The following RBMS1 variants were observed in gnomAD, a reference collection of about 807,000 sequenced individuals.
RBMS1 encodes RNA binding motif single stranded interacting protein 1.
RBMS1 carries 17 observed loss-of-function variants against 62.3 expected under a neutral mutation model. The ratio of observed to expected loss-of-function variants is 0.27; its 90% CI spans 0.19 to 0.41. RBMS1 has a LOEUF of 0.41. Among genes scored for constraint, RBMS1 ranks in the 10% least tolerant of loss-of-function variants. RBMS1 has a pLI of 1.00. For missense variants in RBMS1, 334 were observed against 504.5 expected (o/e 0.66, Z 3.24); for synonymous variants, 172 against 170.0 (o/e 1.01, Z -0.09).
chr2:160,341,483 G>A (rs1691872223), intron 2 of RBMS1, among the ~76,000 whole-genome samples: 1 of 152,084 alleles, frequency 6.6e-6, no homozygotes, highest in African/African-American at 2.4e-5. Context: ...ATGACAGAAA[G>A]TCTCCCTCTT....
intron 2 of RBMS1, among the ~76,000 whole-genome samples, chr2:160,356,144 A>C (rs1431820139): frequency 6.6e-6 from 1 of 152,128 alleles, no homozygotes; most frequent in Admixed American, 6.6e-5. Flanking sequence ...CTAGCAAATG[A>C]CAAGTTGGAT....
rs961606731 is a variant in RBMS1, at chr2:160,407,393, C to G, written c.76-40002G>C. 5.1e-6 allele frequency: 5 copies of G among 985,662 alleles called. No homozygotes were observed. The African/African-American group carries it at 8.7e-5, about 17-fold the overall frequency. 61.1% of individuals were successfully genotyped at this position (985,662 alleles called of 1,614,324 possible). On this transcript the variant is annotated intron_variant, in intron 1 of 13. Transcript: ENST00000348849. The stretch of plus-strand genomic sequence containing the variant: ...CCGGTCCCTCCGAGGAGGCGCGGAG[C>G]CCCTGAGCGCGGCCCCCTTTGTAAC...
At chr2:160,367,135 T>TTA in intron 2 of RBMS1, 81 bp downstream of exon 2, 2 of 1,363,844 alleles carry the variant, frequency 1.5e-6, no homozygotes, top group Non-Finnish European at 2.0e-6. Context: ...TAAACTTCTC[T>TTA]TATAATGCAG....
chr2:160,370,840 G>A (rs1393779858), intron 1 of RBMS1, among the ~76,000 whole-genome samples: 1 of 136,010 alleles, frequency 7.4e-6, no homozygotes, highest in Non-Finnish European at 1.6e-5. Context: ...TGTTTTTTAA[G>A]AAAGTAAAAG....
chr2:160,353,297 A>G (rs1692618490), intron 2 of RBMS1, among the ~76,000 whole-genome samples: 1 of 152,130 alleles, frequency 6.6e-6, no homozygotes. Context: ...TAAACATGTC[A>G]GGAGATGCTG....
chr2:160,362,602 G>T (rs1223619898), intron 2 of RBMS1, among the ~76,000 whole-genome samples: 2 of 152,032 alleles, frequency 1.3e-5, no homozygotes, highest in African/African-American at 4.8e-5. Flanking sequence ...CCAAAACAAT[G>T]AACATTAAAG....
chr2:160,415,656 G>A (rs1696182723), intron 1 of RBMS1, among the ~76,000 whole-genome samples: 1 of 152,094 alleles, frequency 6.6e-6, no homozygotes, highest in African/African-American at 2.4e-5. Context: ...AATTGCAAAA[G>A]GTTATTTAAT....
At chr2:160,434,573 A>G (rs1259087938) in intron 1 of RBMS1, among the ~76,000 whole-genome samples, 1 of 152,150 alleles carries the variant, frequency 6.6e-6, no homozygotes, top group Non-Finnish European at 1.5e-5. Flanking sequence ...CGATGAAAAT[A>G]TTCTACATCT....
At chr2:160,399,275 G>A (rs963117808) in intron 1 of RBMS1, among the ~76,000 whole-genome samples, 2 of 152,164 alleles carry the variant, frequency 1.3e-5, no homozygotes, top group Non-Finnish European at 2.9e-5. Flanking sequence ...TGAAAGCTAT[G>A]AATCTCTACC....
intron 1 of RBMS1, among the ~76,000 whole-genome samples, chr2:160,457,509 C>G (rs979377882): frequency 1.3e-5 from 2 of 152,232 alleles, no homozygotes; most frequent in African/African-American, 4.8e-5. Flanking sequence ...CTTTCTGATT[C>G]ATGTTTCACT....
chr2:160,372,155 A>C (rs960876197), intron 1 of RBMS1, among the ~76,000 whole-genome samples: 1 of 152,146 alleles, frequency 6.6e-6, no homozygotes, highest in Non-Finnish European at 1.5e-5. Flanking sequence ...GCTCTGACCA[A>C]TCTTATAGCT....
At chr2:160,338,385 C>T (rs1691690949) in intron 2 of RBMS1, among the ~76,000 whole-genome samples, 1 of 152,116 alleles carries the variant, frequency 6.6e-6, no homozygotes, top group South Asian at 2.1e-4. Flanking sequence ...TTGTTGATTG[C>T]ACACTTTTTC....
At chr2:160,406,666 G>A (rs1695725283) in intron 1 of RBMS1, among the ~76,000 whole-genome samples, 1 of 152,152 alleles carries the variant, frequency 6.6e-6, no homozygotes, top group Non-Finnish European at 1.5e-5. Flanking sequence ...CTGCTGAAAG[G>A]CTCTGTGAGA....
intron 1 of RBMS1, among the ~76,000 whole-genome samples, chr2:160,442,182 A>G (rs1683435936): frequency 6.6e-6 from 1 of 152,182 alleles, no homozygotes; most frequent in Non-Finnish European, 1.5e-5. Context: ...TTTTTTGTTT[A>G]TGATCTGTGC....
chr2:160,426,241 G>GAAAGA, intron 1 of RBMS1, among the ~76,000 whole-genome samples: 1 of 109,930 alleles, frequency 9.1e-6, no homozygotes, highest in East Asian at 2.6e-4. Context: ...AAGAAAGAAA[G>GAAAGA]AAAGAAAGAA....
intron 1 of RBMS1, among the ~76,000 whole-genome samples, chr2:160,385,232 G>C (rs1289170070): frequency 6.6e-6 from 1 of 152,106 alleles, no homozygotes; most frequent in Non-Finnish European, 1.5e-5. Context: ...TTTATTTCCT[G>C]ATATCCAGGA....
At chr2:160,488,812 T>TATTATTTCTATAATATTCC (rs1417326784) in intron 1 of RBMS1, among the ~76,000 whole-genome samples, 1 of 152,238 alleles carries the variant, frequency 6.6e-6, no homozygotes, top group Non-Finnish European at 1.5e-5. Flanking sequence ...TATAATATTC[T>TATTATTTCTATAATATTCC]ATTATTTCTA....
At chr2:160,315,057 C>G (rs979094269) in intron 3 of RBMS1, among the ~76,000 whole-genome samples, 5 of 152,158 alleles carry the variant, frequency 3.3e-5, no homozygotes, top group African/African-American at 1.2e-4. Context: ...TTACAGTAAA[C>G]AGAAGATCTC....
Position 160,352,255 on chromosome 2 carries a change from G to A in RBMS1, c.251+14961C>T, listed in dbSNP as rs569686879. Among the ~76,000 whole-genome samples the A allele has an allele frequency of 3.3e-5, 5 of 152,180 alleles. No homozygotes were observed. In the East Asian group the frequency reaches 7.8e-4, roughly 24 times the overall value. ...AAGCCATACTCTATGTGCAATGCAC[G>A]GTCAAGGGATCACCTGGGGCCCAAG... On this transcript the variant is annotated intron_variant, in intron 2 of 13. Coordinates refer to ENST00000348849, the MANE Select transcript of RBMS1 (RefSeq NM_016836.4).
Sources: allele counts gnomAD v4.1 joint callset (sites outside exome capture counted in the v4.1 genomes callset), GRCh38; gene constraint gnomAD v4.1.1; transcripts MANE v1.5; gene names NCBI Gene and HGNC (gene_info 2026-07-23, HGNC 2026-07-21).